LHFPL3: variants seen among roughly 807,000 people sequenced by gnomAD.
LHFPL3 encodes LHFPL tetraspan subfamily member 3 protein.
Under a neutral mutation model 19.3 loss-of-function variants are expected in LHFPL3, and 5 were observed. That is an observed-to-expected ratio of 0.26 (90% CI 0.14 to 0.54). LHFPL3 has a LOEUF of 0.54. Among genes scored for constraint, LHFPL3 ranks in the 20% least tolerant of loss-of-function variants. The pLI, the probability that LHFPL3 is intolerant of heterozygous loss-of-function variation, is 0.94. For missense variants in LHFPL3, 249 were observed against 307.4 expected, an observed-to-expected ratio of 0.81 and a Z score of 1.42; for synonymous variants, 133 against 126.2, an observed-to-expected ratio of 1.05 and a Z score of -0.36.
intron 1 of LHFPL3, among the ~76,000 whole-genome samples, chr7:104,511,083 C>A (rs1793805073): frequency 6.6e-6 from 1 of 151,992 alleles, no homozygotes; most frequent in South Asian, 2.1e-4. Flanking sequence ...AGAAAAAGGA[C>A]TAGTATCTAG....
chr7:104,334,236 A>G (rs1342460641), intron 1 of LHFPL3, among the ~76,000 whole-genome samples: 1 of 152,192 alleles, frequency 6.6e-6, no homozygotes, highest in South Asian at 2.1e-4. Context: ...GAATGAAAGG[A>G]AAAAGGACTT....
chr7:104,780,443 G>A (rs1013386152), intron 2 of LHFPL3, among the ~76,000 whole-genome samples: 19 of 152,062 alleles, frequency 1.2e-4, no homozygotes, highest in Admixed American at 6.5e-5. Flanking sequence ...CCCAGAGGAC[G>A]CAGCTCCTTC....
chr7:104,406,158 A>G (rs934579963), intron 1 of LHFPL3, among the ~76,000 whole-genome samples: 2 of 152,146 alleles, frequency 1.3e-5, no homozygotes, highest in African/African-American at 4.8e-5. Context: ...TCCCCACCTA[A>G]ATTCTTGCCA....
intron 1 of LHFPL3, among the ~76,000 whole-genome samples, chr7:104,518,199 G>A (rs979439629): frequency 2.6e-5 from 4 of 152,012 alleles, no homozygotes; most frequent in South Asian, 2.1e-4. Context: ...TTGATCATTT[G>A]TATACTACTA....
At chr7:104,533,879 G>C (rs1306501665) in intron 1 of LHFPL3, among the ~76,000 whole-genome samples, 1 of 152,102 alleles carries the variant, frequency 6.6e-6, no homozygotes, top group Admixed American at 6.6e-5. Flanking sequence ...ATGAGGTCTT[G>C]GAAGAAAACT....
chr7:104,603,932 G>C (rs536041626), intron 1 of LHFPL3, among the ~76,000 whole-genome samples: 2 of 152,204 alleles, frequency 1.3e-5, no homozygotes, highest in African/African-American at 4.8e-5. Context: ...AGCTCTCATA[G>C]GTTGGAGTTT....
chr7:104,888,433 G>C (rs919747067), intron 2 of LHFPL3, among the ~76,000 whole-genome samples: 1 of 152,216 alleles, frequency 6.6e-6, no homozygotes, highest in African/African-American at 2.4e-5. Flanking sequence ...AGGAGACTGA[G>C]GCAGGAGGGT....
chr7:104,695,407 C>A (rs1248588126), intron 1 of LHFPL3, among the ~76,000 whole-genome samples: 1 of 152,216 alleles, frequency 6.6e-6, no homozygotes, highest in Non-Finnish European at 1.5e-5. Context: ...AGCAAGAACA[C>A]AGATGAGACT....
chr7:104,523,663 C>T (rs1794125587), intron 1 of LHFPL3, among the ~76,000 whole-genome samples: 1 of 152,182 alleles, frequency 6.6e-6, no homozygotes, highest in Non-Finnish European at 1.5e-5. Context: ...GATGCATGCA[C>T]ATGCCTCACT....
chr7:104,881,124 A>G (rs2116682780), intron 2 of LHFPL3, among the ~76,000 whole-genome samples: 1 of 149,016 alleles, frequency 6.7e-6, no homozygotes, highest in African/African-American at 2.5e-5. Context: ...GAGCCGGGAT[A>G]GCACCACTGC....
At chr7:104,592,031 C>T (rs554584597) in intron 1 of LHFPL3, among the ~76,000 whole-genome samples, 14 of 152,180 alleles carry the variant, frequency 9.2e-5, no homozygotes, top group South Asian at 8.3e-4. Flanking sequence ...CTTTTTTCAA[C>T]GTTTTTAGCT....
intron 1 of LHFPL3, among the ~76,000 whole-genome samples, chr7:104,526,861 G>A (rs151283665): frequency 6.6e-6 from 1 of 152,286 alleles, no homozygotes; most frequent in Admixed American, 6.5e-5. Context: ...TAATGAAGAA[G>A]ATGTTCAAAG....
At chr7:104,347,856 A>G (rs1790101664) in intron 1 of LHFPL3, among the ~76,000 whole-genome samples, 1 of 149,920 alleles carries the variant, frequency 6.7e-6, no homozygotes, top group Non-Finnish European at 1.5e-5. Context: ...CGCCCATTAC[A>G]CTCTAGCCTG....
At chr7:104,573,685 G>A (rs1219934175) in intron 1 of LHFPL3, among the ~76,000 whole-genome samples, 1 of 152,170 alleles carries the variant, frequency 6.6e-6, no homozygotes, top group Middle Eastern at 3.2e-3. Context: ...GTTGGGAGAT[G>A]CCTGTTACTG....
intron 1 of LHFPL3, among the ~76,000 whole-genome samples, chr7:104,461,382 A>G (rs760196020): frequency 6.6e-6 from 1 of 152,188 alleles, no homozygotes; most frequent in South Asian, 2.1e-4. Context: ...ATTTTTGTAT[A>G]TGGTGTAAGG....
chr7:104,722,938 A>G (rs1793515159), intron 1 of LHFPL3, among the ~76,000 whole-genome samples: 1 of 152,226 alleles, frequency 6.6e-6, no homozygotes, highest in Admixed American at 6.5e-5. Context: ...AAAAATAAGT[A>G]GTTCTCAGGT....
intron 1 of LHFPL3, among the ~76,000 whole-genome samples, chr7:104,590,168 A>T (rs188294391): frequency 2.8e-4 from 42 of 151,986 alleles, no homozygotes; most frequent in African/African-American, 8.9e-4. Flanking sequence ...TTGAATGTGT[A>T]TGCTCTTTCT....
At chr7:104,874,406 T>TG (rs35863156) in intron 2 of LHFPL3, among the ~76,000 whole-genome samples, 12,476 of 130,824 alleles carry the variant, frequency 0.095, 734 homozygotes, top group East Asian at 0.31. Flanking sequence ...TTTTTTTTTT[T>TG]GGGGGGGGGA....
chr7:104,456,887 A>G (rs1792552639), intron 1 of LHFPL3, among the ~76,000 whole-genome samples: 1 of 152,220 alleles, frequency 6.6e-6, no homozygotes, highest in Non-Finnish European at 1.5e-5. Flanking sequence ...TTTAAAACTT[A>G]TGAATTGTTT....
Sources: allele counts gnomAD v4.1 joint callset (sites outside exome capture counted in the v4.1 genomes callset), GRCh38; gene constraint gnomAD v4.1.1; transcripts MANE v1.5; gene names NCBI Gene and HGNC (gene_info 2026-07-23, HGNC 2026-07-21).